KLHL12: variants seen among roughly 807,000 people sequenced by gnomAD.
The protein encoded by KLHL12 is kelch like family member 12.
In KLHL12, 17 loss-of-function variants were observed where a neutral mutation model predicts 60.8. The ratio of observed to expected loss-of-function variants is 0.28; its 90% CI spans 0.19 to 0.42. The LOEUF is 0.42. Ranked by LOEUF, KLHL12 falls within the 10% of genes least tolerant of loss-of-function variation. The pLI, the probability that KLHL12 is intolerant of heterozygous loss-of-function variation, is 1.00. For synonymous variants in KLHL12, 220 were observed against 250.9 expected, an observed-to-expected ratio of 0.88 and a Z score of 1.16; for missense variants, 468 against 722.3, an observed-to-expected ratio of 0.65 and a Z score of 4.04.
intron 6 of KLHL12, among the ~76,000 whole-genome samples, 168 bp downstream of exon 6, chr1:202,908,842 T>A (rs1490469901): frequency 1.3e-5 from 2 of 152,110 alleles, no homozygotes; most frequent in African/African-American, 4.8e-5. Context: ...CATCCTTGAT[T>A]TATAGGAAAG....
intron 4 of KLHL12, chr1:202,912,481 T>C (rs10753927): frequency 0.83 from 746,958 of 903,448 alleles, 310,388 homozygotes; most frequent in East Asian, 0.89. Flanking sequence ...GTGGATATGG[T>C]GGCAGTGAGG....
At chr1:202,911,688 C>T in intron 4 of KLHL12, 1 of 534,674 alleles carries the variant, frequency 1.9e-6, no homozygotes. Flanking sequence ...AACTGTTCAC[C>T]CAAGCCTCTG....
chr1:202,911,274 G>C, intron 4 of KLHL12, 71 bp from the exon 5 acceptor site: 1 of 1,528,378 alleles, frequency 6.5e-7, no homozygotes, highest in Non-Finnish European at 9.0e-7. Context: ...ACGTAACCAC[G>C]TTCACTTTTT....
At chr1:202,924,531 A>G (rs940186160) in intron 2 of KLHL12, among the ~76,000 whole-genome samples, 1 of 152,202 alleles carries the variant, frequency 6.6e-6, no homozygotes, top group Non-Finnish European at 1.5e-5. Flanking sequence ...AGGCCAAGGC[A>G]GGAGGATTGC....
intron 3 of KLHL12, among the ~76,000 whole-genome samples, chr1:202,918,894 A>G (rs1660602756): frequency 6.6e-6 from 1 of 152,230 alleles, no homozygotes; most frequent in South Asian, 2.1e-4. Flanking sequence ...ATCATGTATT[A>G]AAAACTAAAA....
upstream of KLHL12, chr1:202,927,353 G>C (rs546503694): frequency 5.2e-4 from 439 of 836,390 alleles, 1 homozygote; most frequent in Middle Eastern, 1.2e-3. Context: ...ACCCTAGCGC[G>C]GGGCTTCTGT....
intron 4 of KLHL12, among the ~76,000 whole-genome samples, chr1:202,915,377 T>C (rs551663229): frequency 1.3e-5 from 2 of 152,206 alleles, no homozygotes; most frequent in Non-Finnish European, 2.9e-5. Flanking sequence ...GAGTCAGACA[T>C]CTGGTTCCTA....
intron 4 of KLHL12, chr1:202,912,492 A>T: frequency 1.1e-6 from 1 of 939,110 alleles, no homozygotes; most frequent in Non-Finnish European, 1.7e-6. Context: ...GGCAGTGAGG[A>T]TGGCGATAAT....
At chr1:202,901,512 G>T (rs59171170) in intron 6 of KLHL12, among the ~76,000 whole-genome samples, 34,961 of 150,598 alleles carry the variant, frequency 0.23, 4,658 homozygotes, top group East Asian at 0.57. Context: ...ATGTTGCTCA[G>T]GCTGGTCTCT....
chr1:202,907,597 TA>T (rs34815999), intron 6 of KLHL12, among the ~76,000 whole-genome samples: 93,870 of 126,766 alleles, frequency 0.74, 34,532 homozygotes, highest in Admixed American at 0.78. Flanking sequence ...GACTCTGTCT[TA>T]AAAAAAAAAA....
At chr1:202,894,844 G>T in intron 8 of KLHL12, 95 bp from the exon 9 acceptor site, 1 of 997,636 alleles carries the variant, frequency 1.0e-6, no homozygotes, top group Non-Finnish European at 1.5e-6. Context: ...TTAAAAGTCT[G>T]AGAGCAAAAA....
chr1:202,919,298 C>A (rs1042977583), intron 3 of KLHL12, among the ~76,000 whole-genome samples: 1 of 152,118 alleles, frequency 6.6e-6, no homozygotes, highest in African/African-American at 2.4e-5. Context: ...GGAAAACAAA[C>A]CACCTGTAAT....
chr1:202,912,552 AT>A, intron 4 of KLHL12: 1 of 1,092,376 alleles, frequency 9.2e-7, no homozygotes, highest in South Asian at 1.2e-5. Context: ...AGCTACAGTG[AT>A]TTTGGCAACT....
chr1:202,904,843 C>CTAAAT (rs1660133297), intron 6 of KLHL12, among the ~76,000 whole-genome samples: 3 of 152,170 alleles, frequency 2.0e-5, no homozygotes, highest in African/African-American at 7.2e-5. Context: ...AAAAAGGAGA[C>CTAAAT]AGCCACAAAT....
In KLHL12 at chr1:202,925,085, G is replaced by A. The variant is rs564815058; in HGVS notation, c.78C>T (p.Leu26=). 6 of 1,614,124 alleles carry A rather than the reference G, an allele frequency of 3.7e-6. No homozygotes were observed. In the African/African-American group the frequency reaches 6.7e-5, roughly 18 times the overall value. ...AKSILNSMNS[L]RKSNTLCDVT... ...CATCACAGAGGGTATTGCTCTTCCT[G>A]AGGGAGTTCATTGAATTGAGGATGG... The change falls in exon 2 of 12, where the codon CTC becomes CTT. Residue 26 remains leucine, a synonymous_variant. Coordinates refer to ENST00000367261, the MANE Select transcript of KLHL12 (RefSeq NM_021633.4).
intron 4 of KLHL12, among the ~76,000 whole-genome samples, chr1:202,917,726 CA>C (rs1276296556): frequency 1.3e-5 from 2 of 152,162 alleles, no homozygotes; most frequent in Non-Finnish European, 2.9e-5. Context: ...CTCTTTATAA[CA>C]TTTTTTTTGT....
intron 4 of KLHL12, among the ~76,000 whole-genome samples, chr1:202,915,299 T>G (rs1660490449): frequency 6.6e-6 from 1 of 152,232 alleles, no homozygotes. Context: ...TTAACCAATA[T>G]GACATCCTGC....
intron 6 of KLHL12, among the ~76,000 whole-genome samples, chr1:202,899,663 T>C (rs899141884): frequency 2.0e-5 from 3 of 151,782 alleles, no homozygotes; most frequent in African/African-American, 7.3e-5. Context: ...CCGTCTCTAC[T>C]AAAAATACAA....
chr1:202,908,903 T>C, intron 6 of KLHL12, 107 bp downstream of exon 6: 1 of 685,136 alleles, frequency 1.5e-6, no homozygotes, highest in Non-Finnish European at 2.6e-6. Flanking sequence ...AGAAAAGGTC[T>C]GAAACGAGGT....
Sources: gnomAD v4.1 joint callset for allele counts (sites outside exome capture counted in the v4.1 genomes callset) on GRCh38, gnomAD v4.1.1 for gene constraint, MANE v1.5 for transcripts, NCBI Gene and HGNC (gene_info 2026-07-23, HGNC 2026-07-21) for gene names.